Variants in CPA6 observed in about 807,000 individuals in gnomAD.
CPA6 encodes the protein carboxypeptidase B.
A neutral mutation model predicts 63.3 loss-of-function variants in CPA6; 58 were observed. The ratio of observed to expected loss-of-function variants is 0.92; its 90% CI spans 0.74 to 1.14. CPA6 has a LOEUF of 1.14. CPA6 is among the 50% of genes most tolerant of loss of function. CPA6 has a pLI of 0.00. For synonymous variants in CPA6, 185 were observed against 179.0 expected (o/e 1.03, Z -0.27); for missense variants, 565 against 526.6 (o/e 1.07, Z -0.71).
At chr8:67,701,804 G>A (rs985096135) in intron 1 of CPA6, among the ~76,000 whole-genome samples, 26 of 152,176 alleles carry the variant, frequency 1.7e-4, no homozygotes, top group African/African-American at 5.8e-4. Flanking sequence ...AGTTTTTCCT[G>A]GGAAGAACTG....
intron 1 of CPA6, among the ~76,000 whole-genome samples, chr8:67,722,391 T>C (rs2129001925): frequency 6.6e-6 from 1 of 152,304 alleles, no homozygotes; most frequent in Non-Finnish European, 1.5e-5. Context: ...AGGGTGTTTG[T>C]AGTTACATTT....
chr8:67,595,220 T>C (rs1168452105), intron 2 of CPA6, among the ~76,000 whole-genome samples: 2 of 152,222 alleles, frequency 1.3e-5, no homozygotes, highest in Non-Finnish European at 2.9e-5. Flanking sequence ...TGAATGCTGC[T>C]GTCTGATCGT....
chr8:67,517,863 C>T (rs1812177747), intron 3 of CPA6, 60 bp downstream of exon 3: 2 of 1,472,404 alleles, frequency 1.4e-6, no homozygotes, highest in South Asian at 1.4e-5. Flanking sequence ...CTAAATACAA[C>T]TACCATTTGG....
At chr8:67,702,552 G>A (rs1817048578) in intron 1 of CPA6, among the ~76,000 whole-genome samples, 1 of 152,148 alleles carries the variant, frequency 6.6e-6, no homozygotes, top group South Asian at 2.1e-4. Flanking sequence ...GAAAACACTT[G>A]AAGCTGGTGA....
chr8:67,640,040 A>G (rs1399356801), intron 1 of CPA6, among the ~76,000 whole-genome samples: 2 of 151,214 alleles, frequency 1.3e-5, no homozygotes, highest in Non-Finnish European at 2.9e-5. Context: ...TCGTCCCATC[A>G]TCTCCTTGAG....
At chr8:67,610,387 A>G (rs1587631476) in intron 2 of CPA6, among the ~76,000 whole-genome samples, 1 of 152,182 alleles carries the variant, frequency 6.6e-6, no homozygotes. Context: ...TGAGAAAAAA[A>G]AAAGAGAGAA....
chr8:67,684,079 G>T (rs1282676200), intron 1 of CPA6, among the ~76,000 whole-genome samples: 12 of 146,174 alleles, frequency 8.2e-5, no homozygotes, highest in Non-Finnish European at 1.3e-4. Flanking sequence ...TAGAGATGGG[G>T]TTTTGCTATG....
In CPA6 at chr8:67,484,765, G is replaced by A; in HGVS notation, c.661C>T (p.Pro221Ser). The A allele has an allele frequency of 6.2e-7, 1 of 1,606,278 alleles. No individual in the cohort carries two copies. Among genetic ancestry groups the A allele is most frequent in the Non-Finnish European group, 8.5e-7 (1 of 1,173,420 alleles). The change falls in exon 7 of 11, where the codon CCA (proline) becomes TCA (serine). Residue 221 changes from proline to serine, a missense_variant. Coordinates refer to ENST00000297770, the MANE Select transcript of CPA6 (RefSeq NM_020361.5). Reference sequence around the variant, plus strand: ...TGATTCAACATTTTTCTCATGGCTGGGTCACTCTTATATGTTAGAAGAGCC... The same window carrying A: ...TGATTCAACATTTTTCTCATGGCTGAGTCACTCTTATATGTTAGAAGAGCC... ...KEALLTYKSD[P>S]AMRKMLNHLY... is the part of the protein sequence containing the mutation.
intron 2 of CPA6, among the ~76,000 whole-genome samples, chr8:67,563,005 A>G (rs1486148159): frequency 2.0e-5 from 3 of 152,136 alleles, no homozygotes; most frequent in East Asian, 3.9e-4. Context: ...AAAGGATCGT[A>G]AGCTCTTCCA....
chr8:67,596,657 T>C (rs1564016887), intron 2 of CPA6, among the ~76,000 whole-genome samples: 1 of 152,164 alleles, frequency 6.6e-6, no homozygotes, highest in African/African-American at 2.4e-5. Flanking sequence ...ATAAAAACTA[T>C]TCAATAGTAC....
At chr8:67,563,931 T>A (rs571292998) in intron 2 of CPA6, among the ~76,000 whole-genome samples, 10 of 152,282 alleles carry the variant, frequency 6.6e-5, no homozygotes, top group African/African-American at 1.7e-4. Flanking sequence ...TATTTTGGGG[T>A]ACGTGTAGCT....
Position 67,475,843 on chromosome 8 carries a change from C to CT in CPA6, c.838+7924dup, listed in dbSNP as rs1379096786. On this transcript the variant is annotated intron_variant, in intron 8 of 10. Coordinates refer to ENST00000297770, the MANE Select transcript of CPA6 (RefSeq NM_020361.5). ...CTTTCTTTTCTTTCTTTCTTTCTTT[C>CT]TTTCTTTCTTTCTTTCTTTCTTTCT... Among the ~76,000 whole-genome samples the CT allele has an allele frequency of 2.3e-3, 156 of 67,120 alleles. 3 individuals are homozygous for CT. Among genetic ancestry groups the CT allele is most frequent in the African/African-American group, 8.6e-3 (125 of 14,574 alleles). The allele number at this position is 67,120 out of a possible 152,430, so 44.0% of individuals were successfully genotyped here.
intron 1 of CPA6, among the ~76,000 whole-genome samples, chr8:67,732,825 A>G (rs1195300403): frequency 6.6e-6 from 1 of 152,140 alleles, no homozygotes; most frequent in African/African-American, 2.4e-5. Flanking sequence ...AGCAGGAACC[A>G]AGGGCGAGTG....
chr8:67,722,295 A>T (rs2129001912), intron 1 of CPA6, among the ~76,000 whole-genome samples: 1 of 152,346 alleles, frequency 6.6e-6, no homozygotes, highest in African/African-American at 2.4e-5. Context: ...GATGAGATGC[A>T]TCAGAACCAC....
chr8:67,584,791 G>T (rs112495819), intron 2 of CPA6, among the ~76,000 whole-genome samples: 1 of 152,116 alleles, frequency 6.6e-6, no homozygotes, highest in South Asian at 2.1e-4. Context: ...GGAGTTGGGG[G>T]TAGGATCTAG....
intron 2 of CPA6, among the ~76,000 whole-genome samples, chr8:67,562,502 T>C (rs1813236303): frequency 6.6e-6 from 1 of 152,100 alleles, no homozygotes; most frequent in Non-Finnish European, 1.5e-5. Flanking sequence ...TTACTCTGCA[T>C]TCGTTTTGTG....
chr8:67,725,807 G>C lies in CPA6; in HGVS notation c.116+20207C>G, dbSNP rs1257320885. Among the ~76,000 whole-genome samples, 2 of 152,152 alleles carry C rather than the reference G, an allele frequency of 1.3e-5. 1 individual carries two copies. The highest frequency in any genetic ancestry group is 2.9e-5 in the Non-Finnish European group (2 of 68,034). ...AATCCTCCTGCCTCAGCCTCCCAAA[G>C]TGCTGGGATAACATGCGTAAGCCAC... On this transcript the variant is annotated intron_variant, in intron 1 of 10. Coordinates refer to ENST00000297770, the MANE Select transcript of CPA6 (RefSeq NM_020361.5).
Position 67,595,983 on chromosome 8 carries a change from G to A in CPA6, c.192+28193C>T, listed in dbSNP as rs541519495. Among the ~76,000 whole-genome samples the A allele has an allele frequency of 1.8e-4, 28 of 152,326 alleles. No homozygotes were observed. In the South Asian group the frequency reaches 4.4e-3, roughly 24 times the overall value. ...ATCACCCGTCTTCTGCGTCGCTCAC[G>A]CTGGGAGCTGTAGACTGGAGCTGTT... On this transcript the variant is annotated intron_variant, in intron 2 of 10. Transcript: ENST00000297770.
chr8:67,541,947 A>G (rs1331735060), intron 2 of CPA6, among the ~76,000 whole-genome samples: 1 of 152,240 alleles, frequency 6.6e-6, no homozygotes, highest in Non-Finnish European at 1.5e-5. Flanking sequence ...CTATTTGGGC[A>G]TCTTGCCCGG....
Sources: allele counts gnomAD v4.1 joint callset (sites outside exome capture counted in the v4.1 genomes callset), GRCh38; gene constraint gnomAD v4.1.1; transcripts MANE v1.5; gene names NCBI Gene and HGNC (gene_info 2026-07-23, HGNC 2026-07-21).